The following CTNNA2 variants were observed in gnomAD, a reference collection of about 807,000 sequenced individuals.
The protein encoded by CTNNA2 is catenin alpha-2.
A neutral mutation model predicts 101.0 loss-of-function variants in CTNNA2; 42 were observed. The ratio of observed to expected loss-of-function variants is 0.42; its 90% confidence interval spans 0.32 to 0.54. The LOEUF is 0.54. Ranked by LOEUF, CTNNA2 falls within the 20% of genes least tolerant of loss-of-function variation. The pLI is 0.14. For missense variants in CTNNA2, 871 were observed against 1,223.1 expected, an observed-to-expected ratio of 0.71 and a Z score of 4.29; for synonymous variants, 450 against 456.4, an observed-to-expected ratio of 0.99 and a Z score of 0.18.
chr2:79,468,507 C>T (rs1670963055), intron 4 of CTNNA2, among the ~76,000 whole-genome samples: 1 of 152,120 alleles, frequency 6.6e-6, no homozygotes, highest in African/African-American at 2.4e-5. Context: ...AGGAATTGAA[C>T]TCAGCTCTGC....
intron 2 of CTNNA2, among the ~76,000 whole-genome samples, chr2:79,312,241 A>G (rs1451160892): frequency 6.6e-6 from 1 of 152,168 alleles, no homozygotes; most frequent in Non-Finnish European, 1.5e-5. Flanking sequence ...ACTGAAATGT[A>G]TAACATTAGT....
intron 2 of CTNNA2, among the ~76,000 whole-genome samples, chr2:79,242,999 C>CACACACACACACACACACAT (rs1558584571): frequency 1.1e-4 from 12 of 109,986 alleles, no homozygotes; most frequent in South Asian, 9.6e-4. Context: ...TATATACACA[C>CACACACACACACACACACAT]ACACACACAC....
At chr2:79,818,072 T>C (rs1677675320) in intron 3 of CTNNA2, among the ~76,000 whole-genome samples, 2 of 152,224 alleles carry the variant, frequency 1.3e-5, no homozygotes, top group South Asian at 4.1e-4. Flanking sequence ...TAACTCCTAC[T>C]GGGTGTTTCT....
chr2:79,342,009 A>C (rs1288623449), intron 3 of CTNNA2, among the ~76,000 whole-genome samples: 1 of 152,142 alleles, frequency 6.6e-6, no homozygotes, highest in Non-Finnish European at 1.5e-5. Flanking sequence ...CTAACCAGGA[A>C]ATTTGGGGCA....
chr2:79,319,896 G>A (rs912312840), intron 3 of CTNNA2: 3 of 152,188 alleles, frequency 2.0e-5, no homozygotes, highest in Admixed American at 6.6e-5. Context: ...GGGGCAAGCT[G>A]GGGCCCCAGG....
intron 3 of CTNNA2, among the ~76,000 whole-genome samples, chr2:79,834,400 G>C (rs1486259978): frequency 6.6e-6 from 1 of 152,078 alleles, no homozygotes; most frequent in Non-Finnish European, 1.5e-5. Context: ...TAGGATATGA[G>C]ATTTCGTTTT....
chr2:79,393,158 A>G (rs1353387393), intron 4 of CTNNA2, among the ~76,000 whole-genome samples: 1 of 152,188 alleles, frequency 6.6e-6, no homozygotes, highest in Non-Finnish European at 1.5e-5. Context: ...GGTACTGGTC[A>G]TAGCTGTGCC....
intron 7 of CTNNA2, among the ~76,000 whole-genome samples, chr2:80,392,119 G>C (rs955170595): frequency 6.6e-6 from 1 of 152,174 alleles, no homozygotes; most frequent in African/African-American, 2.4e-5. Context: ...GTCACGGAAA[G>C]AGAACATTTA....
intron 4 of CTNNA2, among the ~76,000 whole-genome samples, chr2:79,454,804 TAA>T (rs912137969): frequency 2.4e-4 from 36 of 152,344 alleles, no homozygotes; most frequent in African/African-American, 8.4e-4. Flanking sequence ...AAGGCAGACT[TAA>T]AGTTTTTGTT....
chr2:79,859,638 T>C (rs986768742), intron 4 of CTNNA2, among the ~76,000 whole-genome samples: 1 of 151,886 alleles, frequency 6.6e-6, no homozygotes, highest in African/African-American at 2.4e-5. Context: ...TTTTATTTTT[T>C]CCTCTCCTCC....
intron 7 of CTNNA2, among the ~76,000 whole-genome samples, chr2:80,249,215 T>C (rs1467286268): frequency 1.3e-5 from 2 of 152,206 alleles, no homozygotes; most frequent in African/African-American, 2.4e-5. Flanking sequence ...TTTCTCCTTT[T>C]ATTTATCCTT....
chr2:79,695,630 A>G (rs536181103), intron 2 of CTNNA2, among the ~76,000 whole-genome samples: 1 of 152,130 alleles, frequency 6.6e-6, no homozygotes, highest in Admixed American at 6.5e-5. Context: ...AGCAGAGGAC[A>G]TGAACATTCT....
At chr2:80,624,270 A>T (rs1416572985) in intron 18 of CTNNA2, among the ~76,000 whole-genome samples, 1 of 152,030 alleles carries the variant, frequency 6.6e-6, no homozygotes, top group African/African-American at 2.4e-5. Context: ...CAGCATTCTC[A>T]TCATGACTGG....
intron 7 of CTNNA2, among the ~76,000 whole-genome samples, chr2:80,065,076 A>T (rs985046238): frequency 6.6e-6 from 1 of 152,034 alleles, no homozygotes; most frequent in Non-Finnish European, 1.5e-5. Flanking sequence ...CTCAAAAAGA[A>T]TTTTTTTTGA....
rs201858144 is a variant in CTNNA2 at position 80,386,842 on chromosome 2, T to C, written c.1057-6369T>C. On this transcript the variant is annotated intron_variant, in intron 7 of 18. Transcript: ENST00000402739. ...AGGGAAAGAAAGGAAGTGATAAACA[T>C]CTACCTTCTTACAACCATGTCCCAC... Among the ~76,000 whole-genome samples, 14 of 152,286 alleles carry C rather than the reference T, an allele frequency of 9.2e-5. No individual in the cohort carries two copies. The East Asian group carries it at 2.7e-3, about 29-fold the overall frequency.
chr2:80,007,366 TATAA>T (rs1693447074), intron 7 of CTNNA2, among the ~76,000 whole-genome samples: 1 of 152,216 alleles, frequency 6.6e-6, no homozygotes, highest in Admixed American at 6.5e-5. Context: ...TTGAAGATAT[TATAA>T]ATATCTACAT....
At chr2:80,003,372 T>A (rs1466323586) in intron 7 of CTNNA2, among the ~76,000 whole-genome samples, 2 of 152,294 alleles carry the variant, frequency 1.3e-5, no homozygotes, top group African/African-American at 2.4e-5. Context: ...CCAAATAGAC[T>A]TAACTGCCAA....
intron 9 of CTNNA2, among the ~76,000 whole-genome samples, chr2:80,429,833 C>T (rs1028940718): frequency 8.5e-5 from 13 of 152,132 alleles, no homozygotes; most frequent in East Asian, 1.9e-4. Context: ...TACTAAATGC[C>T]GCAGACTTTC....
At chr2:79,736,000 A>G (rs1670846182) in intron 2 of CTNNA2, among the ~76,000 whole-genome samples, 1 of 152,226 alleles carries the variant, frequency 6.6e-6, no homozygotes, top group Admixed American at 6.5e-5. Context: ...TTAATCTAAA[A>G]TAAGGTGTGA....
Sources: allele counts gnomAD v4.1 joint callset (sites outside exome capture counted in the v4.1 genomes callset), GRCh38; gene constraint gnomAD v4.1.1; transcripts MANE v1.5; gene names NCBI Gene and HGNC (gene_info 2026-07-23, HGNC 2026-07-21).